TRUB1: variants seen among roughly 807,000 people sequenced by gnomAD.
TRUB1 encodes the protein TruB pseudouridine synthase family member 1, also known as pseudouridylate synthase TRUB1.
In TRUB1, 23 loss-of-function variants were observed where a neutral mutation model predicts 33.9. The ratio of observed to expected loss-of-function variants is 0.68; its 90% CI spans 0.49 to 0.96. The LOEUF is 0.96. Among genes scored for constraint, TRUB1 ranks in the 40% least tolerant of loss-of-function variants. The pLI is 0.00. For missense variants in TRUB1, 378 were observed against 422.2 expected (o/e 0.90, Z 0.92); for synonymous variants, 163 against 165.4 (o/e 0.99, Z 0.11).
At chr10:114,943,963 G>A (rs973568738) in intron 2 of TRUB1, among the ~76,000 whole-genome samples, 12 of 150,822 alleles carry the variant, frequency 8.0e-5, no homozygotes, top group Admixed American at 1.3e-4. Flanking sequence ...AGAATTGATC[G>A]AAGGGAATAA....
chr10:114,952,458 AAGGT>A (rs71010003), intron 3 of TRUB1, among the ~76,000 whole-genome samples: 5 of 151,502 alleles, frequency 3.3e-5, no homozygotes, highest in Admixed American at 1.3e-4. Flanking sequence ...AATAATAAGT[AAGGT>A]AGGTAGGTAG....
chr10:114,970,269 GA>G, intron 4 of TRUB1, 98 bp from the exon 5 acceptor site: 2 of 836,262 alleles, frequency 2.4e-6, no homozygotes. Flanking sequence ...TATGCTTTTG[GA>G]AAAAGTTTTA....
At chr10:114,957,738 A>G (rs1018856341) in intron 3 of TRUB1, among the ~76,000 whole-genome samples, 5 of 152,186 alleles carry the variant, frequency 3.3e-5, no homozygotes, top group Admixed American at 1.3e-4. Flanking sequence ...TACTTGGGAA[A>G]CATGTTAAGG....
intron 7 of TRUB1, 139 bp from the exon 8 acceptor site, chr10:114,974,984 T>C (rs1354691448): frequency 4.2e-6 from 4 of 959,074 alleles, no homozygotes; most frequent in Non-Finnish European, 6.0e-6. Context: ...CTGAGGCCTC[T>C]TGGTTCTTAT....
intron 3 of TRUB1, among the ~76,000 whole-genome samples, chr10:114,951,605 A>G (rs1239356915): frequency 6.6e-6 from 1 of 152,210 alleles, no homozygotes; most frequent in African/African-American, 2.4e-5. Flanking sequence ...AAGTATGTTC[A>G]TATATGAGAG....
intron 4 of TRUB1, among the ~76,000 whole-genome samples, chr10:114,969,749 G>A (rs1481278485): frequency 7.1e-6 from 1 of 141,560 alleles, no homozygotes. Context: ...TGTAAAACAA[G>A]AGAGAAATTC....
intron 2 of TRUB1, among the ~76,000 whole-genome samples, chr10:114,949,761 G>C (rs1413221298): frequency 1.3e-5 from 2 of 152,204 alleles, no homozygotes; most frequent in African/African-American, 2.4e-5. Context: ...GGAAAGGAAG[G>C]GGGGTCTGTT....
At chr10:114,957,090 C>G (rs552895225) in intron 3 of TRUB1, among the ~76,000 whole-genome samples, 19 of 152,184 alleles carry the variant, frequency 1.2e-4, no homozygotes, top group Non-Finnish European at 2.5e-4. Context: ...ACTTCTCTAG[C>G]ATGTGTATCA....
chr10:114,951,228 A>G, intron 3 of TRUB1, 79 bp downstream of exon 3: 1 of 1,129,804 alleles, frequency 8.9e-7, no homozygotes, highest in South Asian at 1.4e-5. Flanking sequence ...CAAATAAAAA[A>G]TAAACTGAGT....
intron 5 of TRUB1, among the ~76,000 whole-genome samples, chr10:114,971,575 A>G (rs939320717): frequency 2.2e-5 from 3 of 139,462 alleles, no homozygotes; most frequent in African/African-American, 8.0e-5. Context: ...ATTTATTTAT[A>G]TTTATGTATA....
chr10:114,942,789 C>T (rs1206304462), intron 2 of TRUB1, 46 bp downstream of exon 2: 4 of 1,196,840 alleles, frequency 3.3e-6, no homozygotes, highest in African/African-American at 1.5e-5. Flanking sequence ...CACTTAATAT[C>T]AGAAAGAAAC....
intron 5 of TRUB1, 79 bp downstream of exon 5, chr10:114,970,519 A>C (rs557997970): frequency 1.8e-6 from 2 of 1,094,148 alleles, no homozygotes; most frequent in Non-Finnish European, 2.8e-6. Flanking sequence ...AAAATACACG[A>C]GTTTCCTCTT....
intron 6 of TRUB1, among the ~76,000 whole-genome samples, chr10:114,973,397 C>A (rs139486099): frequency 3.1e-4 from 47 of 152,260 alleles, no homozygotes; most frequent in African/African-American, 1.1e-3. Flanking sequence ...AGTCAAATAT[C>A]ACGCAAGAGT....
chr10:114,951,237 G>A, intron 3 of TRUB1, 88 bp downstream of exon 3: 2 of 990,780 alleles, frequency 2.0e-6, no homozygotes, highest in East Asian at 2.5e-5. Context: ...AATAAACTGA[G>A]TAAACTGCAT....
rs144505234 is a variant in TRUB1 at position 114,959,731 on chromosome 10, T to A, written c.447T>A (p.Tyr149Ter). Residue 149 changes from tyrosine to a stop codon, truncating the protein, a stop_gained, in exon 4 of 8, where the codon TAT (tyrosine) becomes TAA (stop). Coordinates refer to ENST00000298746, the MANE Select transcript of TRUB1 (RefSeq NM_139169.5). LOFTEE classifies it high-confidence loss of function. The part of the protein sequence containing the change: ...LTSMLSGSKR[Y>*]TAIGELGKAT... ...TCTTGTTTCCCTTCCTCTAGAGATATACTGCCATTGGAGAACTGGGGAAAG... is the reference window on the plus strand; with the variant it reads ...TCTTGTTTCCCTTCCTCTAGAGATAAACTGCCATTGGAGAACTGGGGAAAG... 6.2e-7 allele frequency: 1 copy of A among 1,604,486 alleles called. No individual in the cohort carries two copies. The highest frequency in any genetic ancestry group is 1.3e-5 in the African/African-American group (1 of 74,766).
At chr10:114,972,966 C>T (rs950996167) in intron 6 of TRUB1, among the ~76,000 whole-genome samples, 1 of 152,136 alleles carries the variant, frequency 6.6e-6, no homozygotes, top group Admixed American at 6.5e-5. Flanking sequence ...AATCCAAAGC[C>T]GTGGTTCTTA....
chr10:114,948,216 C>G (rs2084219513), intron 2 of TRUB1, among the ~76,000 whole-genome samples: 1 of 152,132 alleles, frequency 6.6e-6, no homozygotes, highest in East Asian at 1.9e-4. Context: ...ATTCTCCACA[C>G]CTTTTCAAAT....
intron 2 of TRUB1, among the ~76,000 whole-genome samples, chr10:114,946,080 C>T (rs947604868): frequency 1.3e-5 from 2 of 152,102 alleles, no homozygotes; most frequent in South Asian, 4.1e-4. Context: ...TATGAGAAGT[C>T]GATTTTTGAT....
At position 114,976,342 on chromosome 10, in the gene TRUB1, A is replaced by AACAGTTCT. The variant is rs1400240316; in HGVS notation, c.*964_*971dup. 2.0e-5 allele frequency: 3 copies of AACAGTTCT among 152,178 alleles called. No individual in the cohort carries two copies. The highest frequency in any genetic ancestry group is 6.6e-5 in the Admixed American group (1 of 15,264). The allele number at this position is 152,178 out of a possible 1,614,324, so 9.4% of individuals were successfully genotyped here. A position where few individuals can be genotyped will look rare whatever the true frequency, so the allele number is the denominator to read the frequency against. On this transcript the variant is annotated 3_prime_UTR_variant, in exon 8 of 8. Transcript: ENST00000298746. ...ATCTCTTCTGCTCTAAATATTTAAAAACAGTTCTTCTCAAACATTTTCATT... is the reference window on the plus strand; with the variant it reads ...ATCTCTTCTGCTCTAAATATTTAAAAACAGTTCTACAGTTCTTCTCAAACATTTTCATT...
Sources: gnomAD v4.1 joint callset for allele counts (sites outside exome capture counted in the v4.1 genomes callset) on GRCh38, gnomAD v4.1.1 for gene constraint, MANE v1.5 for transcripts, NCBI Gene and HGNC (gene_info 2026-07-23, HGNC 2026-07-21) for gene names.